ERMP1: variants seen among roughly 807,000 people sequenced by gnomAD.
ERMP1 encodes Felix-ina.
Under a neutral mutation model 92.0 loss-of-function variants are expected in ERMP1, and 86 were observed. The observed-to-expected ratio is 0.93, with a 90% CI of 0.79 to 1.12. The LOEUF is 1.12. Ranked by LOEUF, ERMP1 falls within the 50% of genes most tolerant of loss-of-function variation. ERMP1 has a pLI of 0.00. For synonymous variants in ERMP1, 530 were observed against 412.8 expected, an observed-to-expected ratio of 1.28 and a Z score of -3.44; for missense variants, 1,342 against 1,116.3, an observed-to-expected ratio of 1.20 and a Z score of -2.88.
Position 5,830,912 on chromosome 9 carries a change from T to C in ERMP1, c.455A>G (p.Asn152Ser), listed in dbSNP as rs1283635950. 6.2e-7 allele frequency: 1 copy of C among 1,614,154 alleles called. No individual in the cohort carries two copies. ...ATCTACTGAAATCTTATGAAGGCTG[T>C]TGCTTTGCACTTCAATCAGTTTAAT... is the stretch of plus-strand genomic sequence containing the variant. The part of the protein sequence containing the change: ...EQIKLIEVQS[N>S]SLHKISVDVQ... Residue 152 changes from asparagine (N) to serine (S), a missense_variant, in exon 2 of 15, where the codon AAC becomes AGC. Physicochemically the swap from Asn to Ser is conservative, Grantham distance 46. Coordinates refer to ENST00000339450, the MANE Select transcript of ERMP1 (RefSeq NM_024896.3).
chr9:5,801,583 A>T (rs2131219637), intron 10 of ERMP1, among the ~76,000 whole-genome samples: 1 of 152,272 alleles, frequency 6.6e-6, no homozygotes, highest in African/African-American at 2.4e-5. Flanking sequence ...TGCAGCCAAA[A>T]ACCAAGAGGG....
intron 3 of ERMP1, among the ~76,000 whole-genome samples, chr9:5,824,607 T>C (rs1218645976): frequency 6.6e-6 from 1 of 152,060 alleles, no homozygotes; most frequent in Non-Finnish European, 1.5e-5. Context: ...TTCACCATGT[T>C]GGCCAGGCTG....
rs1286634246 is a variant in ERMP1 at position 5,863,396 on chromosome 9, C to G, written n.3056-3785G>C. 2.6e-5 allele frequency among the ~76,000 whole-genome samples: 4 copies of G among 152,290 alleles called. No homozygotes were observed. The East Asian group carries it at 5.8e-4, about 22-fold the overall frequency. On this transcript the variant is annotated intron_variant and non_coding_transcript_variant, in intron 5 of 6. Coordinates refer to the ERMP1 transcript ENST00000690753. The stretch of plus-strand genomic sequence containing the variant: ...TCTTATGTCTAAACCATAGGAAAGA[C>G]AGTTTCCCATTACTCCTTGCATCAA...
At chr9:5,856,665 T>G (rs1448953309) in intron 6 of ERMP1, among the ~76,000 whole-genome samples, 3 of 152,210 alleles carry the variant, frequency 2.0e-5, no homozygotes, top group Admixed American at 2.0e-4. Flanking sequence ...AAACACTGAA[T>G]TAGCAAATAC....
At chr9:5,790,259 A>C (rs773241178) in intron 13 of ERMP1, among the ~76,000 whole-genome samples, 41 of 149,486 alleles carry the variant, frequency 2.7e-4, no homozygotes, top group Non-Finnish European at 5.2e-4. Flanking sequence ...AGCTCACTGC[A>C]ACCTCTGCCT....
chr9:5,832,257 G>T (rs917471523), intron 1 of ERMP1, among the ~76,000 whole-genome samples: 7 of 152,112 alleles, frequency 4.6e-5, no homozygotes, highest in East Asian at 1.9e-4. Flanking sequence ...CAGAAAGTTA[G>T]AACAGTGCAC....
chr9:5,850,778 C>G (rs1395803871), intron 6 of ERMP1, among the ~76,000 whole-genome samples: 1 of 152,178 alleles, frequency 6.6e-6, no homozygotes, highest in Non-Finnish European at 1.5e-5. Context: ...AACCCATGGC[C>G]ATTGTGAACA....
intron 2 of ERMP1, among the ~76,000 whole-genome samples, chr9:5,827,167 A>C (rs1313838931): frequency 6.6e-6 from 1 of 152,192 alleles, no homozygotes; most frequent in East Asian, 1.9e-4. Context: ...TGAGTCCTAG[A>C]TACACAGATG....
At chr9:5,864,264 T>A (rs984985674) in intron 5 of ERMP1, among the ~76,000 whole-genome samples, 1 of 152,190 alleles carries the variant, frequency 6.6e-6, no homozygotes, top group African/African-American at 2.4e-5. Flanking sequence ...TGAGGAGTGT[T>A]CTGTTCCTCT....
At chr9:5,793,536 T>A (rs947133903) in intron 13 of ERMP1, among the ~76,000 whole-genome samples, 1 of 152,156 alleles carries the variant, frequency 6.6e-6, no homozygotes. Flanking sequence ...GACCCCACTA[T>A]GTGTTGTCTA....
intron 3 of ERMP1, among the ~76,000 whole-genome samples, chr9:5,824,718 A>C: frequency 6.6e-6 from 1 of 152,284 alleles, no homozygotes; most frequent in Middle Eastern, 3.4e-3. Flanking sequence ...CTTTTTAAAA[A>C]GAAAGAAAAA....
intron 4 of ERMP1, among the ~76,000 whole-genome samples, chr9:5,815,739 A>G (rs1054150255): frequency 3.9e-5 from 6 of 152,102 alleles, no homozygotes; most frequent in Non-Finnish European, 8.8e-5. Flanking sequence ...ACAAAGAAAG[A>G]AATAGTAGAA....
At chr9:5,790,468 A>G (rs1416951139) in intron 13 of ERMP1, among the ~76,000 whole-genome samples, 2 of 152,182 alleles carry the variant, frequency 1.3e-5, no homozygotes, top group Non-Finnish European at 2.9e-5. Context: ...AAATAAACCT[A>G]ACTTACCCAC....
chr9:5,801,083 G>A, intron 11 of ERMP1, 93 bp downstream of exon 11: 1 of 1,368,964 alleles, frequency 7.3e-7, no homozygotes, highest in East Asian at 2.4e-5. Flanking sequence ...GTCAACAGCA[G>A]AAAAGTCAGC....
In ERMP1 at chr9:5,830,836, T is replaced by G; in HGVS notation, c.531A>C (p.Thr177=). The change falls in exon 2 of 15, where the codon ACA becomes ACC. Residue 177 remains threonine, a synonymous_variant. Coordinates refer to ENST00000339450, the MANE Select transcript of ERMP1 (RefSeq NM_024896.3). ...SFSIDFLGGF[T]SYYDNITNVV... ...CATTGGTGATGTTGTCATAATAGCT[T>G]GTAAAACCTCCCAAGAAATCAATGC... 6.2e-7 allele frequency: 1 copy of G among 1,614,138 alleles called. No homozygotes were observed. The highest frequency in any genetic ancestry group is 2.2e-5 in the East Asian group (1 of 44,882).
intron 5 of ERMP1, among the ~76,000 whole-genome samples, chr9:5,866,698 G>A (rs1451566556): frequency 6.6e-6 from 1 of 152,180 alleles, no homozygotes; most frequent in African/African-American, 2.4e-5. Context: ...TGAATTAATA[G>A]TATTATAAAA....
At chr9:5,796,292 A>G (rs1053462649) in intron 13 of ERMP1, among the ~76,000 whole-genome samples, 9 of 152,224 alleles carry the variant, frequency 5.9e-5, no homozygotes, top group African/African-American at 2.2e-4. Context: ...CCCAACTTCA[A>G]AACTTAACTA....
intron 4 of ERMP1, among the ~76,000 whole-genome samples, chr9:5,822,561 A>G (rs1474559383): frequency 6.6e-6 from 1 of 152,240 alleles, no homozygotes; most frequent in Non-Finnish European, 1.5e-5. Context: ...AATTTAAATA[A>G]AATCAGGTCT....
rs1387048588 is a variant in ERMP1, at chr9:5,785,856, TA to T, written c.*1287del. 1.3e-5 allele frequency: 2 copies of T among 152,226 alleles called. No homozygotes were observed. The highest frequency in any genetic ancestry group is 4.8e-5 in the African/African-American group (2 of 41,454). The allele number at this position is 152,226 out of a possible 1,614,324, so 9.4% of individuals were successfully genotyped here. A position where few individuals can be genotyped will look rare whatever the true frequency, so the allele number is the denominator to read the frequency against. ...AATTTGTCCAACGTTTCACATTTCC[TA>T]ATGATAAAAAGAAAGCTTGCACAGT... On this transcript the variant is annotated 3_prime_UTR_variant, in exon 15 of 15. Coordinates refer to ENST00000339450, the MANE Select transcript of ERMP1 (RefSeq NM_024896.3).
Sources: gnomAD v4.1 joint callset for allele counts (sites outside exome capture counted in the v4.1 genomes callset) on GRCh38, gnomAD v4.1.1 for gene constraint, MANE v1.5 for transcripts, NCBI Gene and HGNC (gene_info 2026-07-23, HGNC 2026-07-21) for gene names.